The following PAXIP1 variants were observed in gnomAD, a reference collection of about 807,000 sequenced individuals.
PAXIP1 encodes the protein PAX interacting protein 1.
Under a neutral mutation model 140.6 loss-of-function variants are expected in PAXIP1, and 19 were observed. That is an observed-to-expected ratio of 0.14 (90% CI 0.09 to 0.20). The LOEUF is 0.20. Among genes scored for constraint, PAXIP1 ranks in the 10% least tolerant of loss-of-function variants. The pLI, the probability that PAXIP1 is intolerant of heterozygous loss-of-function variation, is 1.00. For missense variants in PAXIP1, 920 were observed against 1,208.6 expected (o/e 0.76, Z 3.54); for synonymous variants, 442 against 444.6 (o/e 0.99, Z 0.07).
intron 6 of PAXIP1, chr7:154,974,166 A>G (rs955203409): frequency 1.3e-5 from 2 of 152,314 alleles, no homozygotes; most frequent in African/African-American, 4.8e-5. Context: ...GCAGCTTTCC[A>G]GTGTTCCTTA....
intron 10 of PAXIP1, 103 bp downstream of exon 10, chr7:154,962,218 G>T: frequency 1.6e-6 from 2 of 1,254,454 alleles, no homozygotes; most frequent in South Asian, 1.4e-5. Flanking sequence ...GAGAAGCTCT[G>T]ACTCAGAAGC....
At chr7:154,988,834 T>G (rs1240892926) in intron 4 of PAXIP1, among the ~76,000 whole-genome samples, 1 of 152,204 alleles carries the variant, frequency 6.6e-6, no homozygotes, top group African/African-American at 2.4e-5. Context: ...AAATTCACAT[T>G]TTAGCCAAAG....
chr7:154,952,198 T>A (rs932286532), intron 16 of PAXIP1: 1 of 152,246 alleles, frequency 6.6e-6, no homozygotes, highest in Non-Finnish European at 1.5e-5. Flanking sequence ...ACTTAGTACA[T>A]GCGAGCCGCA....
chr7:154,943,937 TACAAAAC>T lies in PAXIP1; in HGVS notation c.*205_*211del. ...AATGTGGGCTCTTAAAGTCATATAATACAAAACATAATTTATGTTTCCTCAGAATAAA... is the reference window on the plus strand; with the variant it reads ...AATGTGGGCTCTTAAAGTCATATAATATAATTTATGTTTCCTCAGAATAAA... On this transcript the variant is annotated 3_prime_UTR_variant, in exon 21 of 21. Transcript: ENST00000404141. 1 of 595,300 alleles carries T rather than the reference TACAAAAC, an allele frequency of 1.7e-6. No homozygotes were observed. Among genetic ancestry groups the T allele is most frequent in the Non-Finnish European group, 3.1e-6 (1 of 318,286 alleles). The allele number at this position is 595,300 out of a possible 1,614,324, so 36.9% of individuals were successfully genotyped here.
At chr7:154,975,667 T>G (rs774333389) in intron 6 of PAXIP1, 29 bp downstream of exon 6, 1 of 1,460,976 alleles carries the variant, frequency 6.8e-7, no homozygotes, top group South Asian at 1.2e-5. Context: ...GATCCAATAC[T>G]GACATTTTTT....
In PAXIP1 at chr7:155,002,852, C is replaced by G. The variant is rs1242857185; in HGVS notation, c.78G>C (p.Pro26=). The change falls in exon 1 of 21, where the codon CCG becomes CCC. Residue 26 remains proline, a synonymous_variant. Coordinates refer to ENST00000404141, the MANE Select transcript of PAXIP1 (RefSeq NM_007349.4). ...GCGGCAGGGGCGGGCGCGGTACCTG[C>G]GGGTCGATGTCGCCCACCGCGTAAT... is the stretch of plus-strand genomic sequence containing the variant. The part of the protein sequence containing the change: ...VKYYAVGDID[P]QVIQLLKAGK... 1.4e-6 allele frequency: 2 copies of G among 1,392,976 alleles called. No homozygotes were observed. The highest frequency in any genetic ancestry group is 2.3e-5 in the Admixed American group (1 of 44,444). The allele number at this position is 1,392,976 out of a possible 1,614,324, so 86.3% of individuals were successfully genotyped here. A position where few individuals can be genotyped will look rare whatever the true frequency, so the allele number is the denominator to read the frequency against.
At position 154,986,239 on chromosome 7, in the gene PAXIP1, C is replaced by G; in HGVS notation, c.325-2907G>C. ...ACCAAGAAACAGTCCTTTTGTAAAG[C>G]TGGGGTCCTGCCTGGCGTGTGCATG... On this transcript the variant is annotated intron_variant, in intron 4 of 20. Transcript: ENST00000404141. The surrounding 1 kb of genome is among the most constrained non-coding windows in gnomAD (Gnocchi z 4.8). 1 of 1,251,158 alleles carries G rather than the reference C, an allele frequency of 8.0e-7. No individual in the cohort carries two copies. Among genetic ancestry groups the G allele is most frequent in the Non-Finnish European group, 1.0e-6 (1 of 952,918 alleles). The allele number at this position is 1,251,158 out of a possible 1,614,324, so 77.5% of individuals were successfully genotyped here.
chr7:154,961,683 A>G (rs767805932), intron 10 of PAXIP1, 35 bp from the exon 11 acceptor site: 7 of 1,533,028 alleles, frequency 4.6e-6, no homozygotes, highest in Non-Finnish European at 3.5e-6. Context: ...TAAACACAAA[A>G]TAAGCAAAAA....
intron 5 of PAXIP1, among the ~76,000 whole-genome samples, chr7:154,978,340 G>A (rs1278326414): frequency 6.6e-6 from 1 of 152,142 alleles, no homozygotes; most frequent in African/African-American, 2.4e-5. Flanking sequence ...TTGGTGTTGA[G>A]GTTTGAAAAG....
intron 5 of PAXIP1, among the ~76,000 whole-genome samples, chr7:154,977,506 T>C (rs1474504362): frequency 6.6e-6 from 1 of 152,208 alleles, no homozygotes; most frequent in African/African-American, 2.4e-5. Flanking sequence ...ACGCCAGGCA[T>C]TGCCCATCTG....
chr7:154,955,601 C>G lies in PAXIP1; in HGVS notation c.2580G>C (p.Lys860Asn), dbSNP rs1434238525. The change falls in exon 15 of 21, where the codon AAG (lysine) becomes AAC (asparagine). Residue 860 changes from lysine to asparagine, a missense_variant. Transcript: ENST00000404141. Reference protein sequence around the residue: ...RIEDVPPPTKKLTPELTPFVL... With the variant: ...RIEDVPPPTKNLTPELTPFVL... ...CAAAAGGGGTCAATTCTGGAGTTAG[C>G]TTTTTAGTGGGAGGTGGTACGTCTT... The G allele has an allele frequency of 6.3e-7, 1 of 1,596,784 alleles. No individual in the cohort carries two copies. The highest frequency in any genetic ancestry group is 2.3e-5 in the East Asian group (1 of 44,032).
At chr7:154,985,919 T>C in intron 4 of PAXIP1, 1 of 919,142 alleles carries the variant, frequency 1.1e-6, no homozygotes, top group Non-Finnish European at 1.5e-6. Context: ...TACTGTTGAT[T>C]GAGATACAGA....
At chr7:154,959,671 T>G (rs1381334541) in intron 13 of PAXIP1, among the ~76,000 whole-genome samples, 2 of 152,220 alleles carry the variant, frequency 1.3e-5, no homozygotes, top group Non-Finnish European at 2.9e-5. Flanking sequence ...TTCTGATCTG[T>G]AGCCCCAAGT....
At chr7:154,972,142 A>G (rs868359149) in intron 6 of PAXIP1, among the ~76,000 whole-genome samples, 3 of 152,218 alleles carry the variant, frequency 2.0e-5, no homozygotes, top group Non-Finnish European at 4.4e-5. Context: ...CTCTATATCC[A>G]AATACAAACT....
At chr7:154,991,162 G>C in intron 3 of PAXIP1, 93 bp from the exon 4 acceptor site, 1 of 608,354 alleles carries the variant, frequency 1.6e-6, no homozygotes, top group Middle Eastern at 2.5e-4. Flanking sequence ...TCCCCACTCA[G>C]TCCATTTAAG....
rs939698929 is a variant in PAXIP1 at position 154,976,092 on chromosome 7, C to A, written c.678G>T (p.Gly226=). The change falls in exon 6 of 21, where the codon GGG becomes GGT. Residue 226 remains glycine, a synonymous_variant. Transcript: ENST00000404141. ...AAAACTGCTGGTCACCTGAAGGAGA[C>A]CCTTCTTGAGAGCTGGCAGGGCTTG... is the stretch of plus-strand genomic sequence containing the variant. ...EKSSPASSQE[G]SPSGDQQFSP... 2 of 1,576,228 alleles carry A rather than the reference C, an allele frequency of 1.3e-6. No homozygotes were observed. The highest frequency in any genetic ancestry group is 2.7e-5 in the African/African-American group (2 of 74,170).
chr7:154,969,407 G>A (rs1585056947), intron 6 of PAXIP1, among the ~76,000 whole-genome samples: 2 of 152,164 alleles, frequency 1.3e-5, no homozygotes, highest in East Asian at 1.9e-4. Context: ...AGACTCAGAC[G>A]GCTGATGTGT....
intron 4 of PAXIP1, among the ~76,000 whole-genome samples, chr7:154,987,704 C>T (rs111909750): frequency 1.3e-5 from 2 of 152,290 alleles, no homozygotes; most frequent in South Asian, 2.1e-4. Flanking sequence ...CTGTGCTCCT[C>T]GACTGAAACA....
At chr7:154,995,636 GGT>G (rs1810554310) in intron 2 of PAXIP1, among the ~76,000 whole-genome samples, 1 of 152,204 alleles carries the variant, frequency 6.6e-6, no homozygotes, top group Non-Finnish European at 1.5e-5. Context: ...GATCACTTGA[GGT>G]GACAGGTTCG....
Sources: gnomAD v4.1 joint callset for allele counts (sites outside exome capture counted in the v4.1 genomes callset) on GRCh38, gnomAD v4.1.1 for gene constraint, Gnocchi (gnomAD v3.1) non-coding constraint, MANE v1.5 for transcripts, NCBI Gene and HGNC (gene_info 2026-07-23, HGNC 2026-07-21) for gene names.